MALRD1: variants seen among roughly 807,000 people sequenced by gnomAD.
The protein encoded by MALRD1 is MAM and LDL receptor class A domain containing 1.
MALRD1 carries 247 observed loss-of-function variants against 242.1 expected under a neutral mutation model. The observed-to-expected ratio is 1.02, with a 90% CI of 0.92 to 1.13. The LOEUF is 1.13. MALRD1 is among the 50% of genes most tolerant of loss of function. MALRD1 has a pLI of 0.00. For synonymous variants in MALRD1, 995 were observed against 866.6 expected (o/e 1.15, Z -2.60); for missense variants, 2,989 against 2,533.1 (o/e 1.18, Z -3.86).
intron 2 of MALRD1, among the ~76,000 whole-genome samples, chr10:19,069,748 ATTTC>A (rs1162917182): frequency 3.4e-5 from 5 of 145,630 alleles, no homozygotes; most frequent in South Asian, 2.1e-4. Flanking sequence ...GATATCCACA[ATTTC>A]TTTTTTTTTT....
At chr10:19,488,987 A>AATCCGGTTCT (rs1317751142) in intron 29 of MALRD1, 4 of 446,190 alleles carry the variant, frequency 9.0e-6, no homozygotes, top group Non-Finnish European at 1.8e-5. Context: ...GCGGGCTCCC[A>AATCCGGTTCT]ATCCGGTTCT....
chr10:19,382,690 G>C (rs1845890163), intron 26 of MALRD1, among the ~76,000 whole-genome samples: 1 of 152,082 alleles, frequency 6.6e-6, no homozygotes, highest in East Asian at 1.9e-4. Flanking sequence ...TAATTTTCCT[G>C]GTCTGCTCTG....
At chr10:19,719,245 T>C (rs57516296) in intron 38 of MALRD1, among the ~76,000 whole-genome samples, 18 of 119,224 alleles carry the variant, frequency 1.5e-4, no homozygotes, top group African/African-American at 5.0e-4. Context: ...TATATATATA[T>C]ATATATATAT....
intron 19 of MALRD1, among the ~76,000 whole-genome samples, chr10:19,277,839 G>A (rs1840607625): frequency 6.6e-6 from 1 of 152,130 alleles, no homozygotes; most frequent in South Asian, 2.1e-4. Context: ...CCAGATACTG[G>A]ACATTTAATA....
chr10:19,692,137 A>C, intron 36 of MALRD1, 145 bp from the exon 37 acceptor site: 2 of 585,638 alleles, frequency 3.4e-6, no homozygotes, highest in Non-Finnish European at 5.6e-6. Context: ...GCTTTGGCTT[A>C]AAGTTTTTGG....
At chr10:19,299,200 TATTG>T (rs1841837959) in intron 21 of MALRD1, among the ~76,000 whole-genome samples, 1 of 151,996 alleles carries the variant, frequency 6.6e-6, no homozygotes, top group Non-Finnish European at 1.5e-5. Flanking sequence ...GTAAATCATA[TATTG>T]ATTAAGATAC....
At chr10:19,456,032 T>C (rs1835631929) in intron 29 of MALRD1, among the ~76,000 whole-genome samples, 1 of 152,178 alleles carries the variant, frequency 6.6e-6, no homozygotes, top group Admixed American at 6.5e-5. Context: ...TGGTATAAGA[T>C]GTTGCCTTTT....
At chr10:19,099,523 C>T (rs1004499531) in intron 4 of MALRD1, among the ~76,000 whole-genome samples, 1 of 152,064 alleles carries the variant, frequency 6.6e-6, no homozygotes, top group African/African-American at 2.4e-5. Flanking sequence ...TGCCTGACTT[C>T]TGTGGTATAG....
chr10:19,099,253 TG>T (rs1239905843), intron 4 of MALRD1, among the ~76,000 whole-genome samples: 1 of 152,176 alleles, frequency 6.6e-6, no homozygotes, highest in Non-Finnish European at 1.5e-5. Flanking sequence ...AGTAATTTAT[TG>T]GGCTGCTTTT....
intron 36 of MALRD1, among the ~76,000 whole-genome samples, chr10:19,618,603 A>T (rs1338296127): frequency 1.3e-5 from 2 of 151,920 alleles, no homozygotes; most frequent in East Asian, 3.9e-4. Flanking sequence ...GCTTTTTTTC[A>T]TATGCTTATT....
At chr10:19,115,700 A>T (rs1217022637) in intron 5 of MALRD1, among the ~76,000 whole-genome samples, 1 of 152,052 alleles carries the variant, frequency 6.6e-6, no homozygotes, top group Non-Finnish European at 1.5e-5. Context: ...ACATGGTGAA[A>T]CCCTGTATCT....
chr10:19,121,868 C>G (rs1161562725), intron 5 of MALRD1, among the ~76,000 whole-genome samples: 1 of 152,024 alleles, frequency 6.6e-6, no homozygotes, highest in Non-Finnish European at 1.5e-5. Flanking sequence ...GAAGGAAGAG[C>G]TGGAAGTTAA....
intron 21 of MALRD1, among the ~76,000 whole-genome samples, chr10:19,289,110 A>G (rs1841284540): frequency 6.6e-6 from 1 of 152,092 alleles, no homozygotes. Flanking sequence ...CTGACTCACA[A>G]AAAAAGCAAA....
chr10:19,275,928 T>A (rs1171545078), intron 19 of MALRD1, among the ~76,000 whole-genome samples: 1 of 152,188 alleles, frequency 6.6e-6, no homozygotes, highest in Non-Finnish European at 1.5e-5. Context: ...CCACTGTTTT[T>A]TAAGACTTTT....
At chr10:19,214,474 G>C (rs530913531) in intron 18 of MALRD1, among the ~76,000 whole-genome samples, 1 of 152,304 alleles carries the variant, frequency 6.6e-6, no homozygotes, top group South Asian at 2.1e-4. Flanking sequence ...TATCAATACA[G>C]TCTGTTGCTA....
chr10:19,496,932 A>G (rs2131240075), intron 30 of MALRD1, among the ~76,000 whole-genome samples: 1 of 152,308 alleles, frequency 6.6e-6, no homozygotes, highest in African/African-American at 2.4e-5. Flanking sequence ...AACAGAGATT[A>G]GCCTTAAGAA....
chr10:19,087,824 C>G lies in MALRD1; in HGVS notation c.341-16C>G. On this transcript the variant is annotated splice_polypyrimidine_tract_variant and intron_variant, in intron 2 of 39. Transcript: ENST00000454679. ...TTTCTGGTTTTTTTTTGTACCCTGT[C>G]TCTTCTTTCTGATAGCTCACTTCCT... 7 of 1,202,238 alleles carry G rather than the reference C, an allele frequency of 5.8e-6. No individual in the cohort carries two copies. The highest frequency in any genetic ancestry group is 7.3e-6 in the Non-Finnish European group (7 of 959,874). 74.5% of individuals were successfully genotyped at this position (1,202,238 alleles called of 1,614,324 possible). A position where few individuals can be genotyped will look rare whatever the true frequency, so the allele number is the denominator to read the frequency against.
At chr10:19,148,786 A>T (rs376862078) in intron 11 of MALRD1, among the ~76,000 whole-genome samples, 9,595 of 67,138 alleles carry the variant, frequency 0.14, 407 homozygotes, top group Non-Finnish European at 0.17. Flanking sequence ...AAAAAAAAAA[A>T]AAATATATAT....
At chr10:19,274,031 C>A (rs749279119) in intron 19 of MALRD1, among the ~76,000 whole-genome samples, 1 of 152,068 alleles carries the variant, frequency 6.6e-6, no homozygotes, top group African/African-American at 2.4e-5. Context: ...CCTGGTGGGA[C>A]TGTAAAGTGG....
Sources: gnomAD v4.1 joint callset for allele counts (sites outside exome capture counted in the v4.1 genomes callset) on GRCh38, gnomAD v4.1.1 for gene constraint, MANE v1.5 for transcripts, NCBI Gene and HGNC (gene_info 2026-07-23, HGNC 2026-07-21) for gene names.